The following DCAF5 variants were observed in gnomAD, a reference collection of about 807,000 sequenced individuals.
DCAF5 encodes the protein DDB1 and CUL4 associated factor 5, also known as DDB1- and CUL4-associated factor 5.
DCAF5 carries 9 observed loss-of-function variants against 80.7 expected under a neutral mutation model. That is an observed-to-expected ratio of 0.11 (90% CI 0.07 to 0.19). The LOEUF is 0.19. Ranked by LOEUF, DCAF5 falls within the 10% of genes least tolerant of loss-of-function variation. The probability of loss-of-function intolerance (pLI) is 1.00; values close to 1 mark genes in which losing one functional copy is unlikely to be tolerated. For synonymous variants in DCAF5, 433 were observed against 461.9 expected, an observed-to-expected ratio of 0.94 and a Z score of 0.80; for missense variants, 842 against 1,205.7, an observed-to-expected ratio of 0.70 and a Z score of 4.47.
At chr14:69,072,188 C>T (rs1341125828) in intron 7 of DCAF5, among the ~76,000 whole-genome samples, 3 of 152,106 alleles carry the variant, frequency 2.0e-5, no homozygotes, top group African/African-American at 7.2e-5. Context: ...TTTTGGGAAA[C>T]TGACTGATTT....
chr14:69,093,268 AGTGCCACAT>A (rs2039592500), intron 5 of DCAF5, among the ~76,000 whole-genome samples: 1 of 152,220 alleles, frequency 6.6e-6, no homozygotes, highest in Non-Finnish European at 1.5e-5. Context: ...TGTAGACACA[AGTGCCACAT>A]CAGAACTCAC....
chr14:69,065,095 TC>T (rs2038378552), intron 7 of DCAF5, among the ~76,000 whole-genome samples: 2 of 74,148 alleles, frequency 2.7e-5, no homozygotes, highest in Admixed American at 2.2e-4. Context: ...CAATATGACC[TC>T]TTTTTTTTTT....
At chr14:69,134,944 G>A (rs1326158190) in intron 1 of DCAF5, among the ~76,000 whole-genome samples, 3 of 152,124 alleles carry the variant, frequency 2.0e-5, no homozygotes, top group African/African-American at 7.2e-5. Flanking sequence ...CACTTCTAAA[G>A]ATTTTATTCT....
intron 1 of DCAF5, among the ~76,000 whole-genome samples, chr14:69,123,630 T>A (rs1352831003): frequency 6.6e-6 from 1 of 152,192 alleles, no homozygotes; most frequent in African/African-American, 2.4e-5. Context: ...CCTTCAGAAA[T>A]TTTTCATCAT....
chr14:69,113,065 A>G (rs544980918), intron 5 of DCAF5, among the ~76,000 whole-genome samples: 79 of 152,108 alleles, frequency 5.2e-4, no homozygotes, highest in African/African-American at 1.9e-3. Context: ...AGCTTATTTC[A>G]GGGCAGCAGT....
intron 6 of DCAF5, chr14:69,085,392 A>AC (rs1191502756): frequency 3.5e-6 from 2 of 567,732 alleles, no homozygotes; most frequent in Non-Finnish European, 6.7e-6. Context: ...CTCACTGAAG[A>AC]CATGCCTTTC....
intron 5 of DCAF5, among the ~76,000 whole-genome samples, chr14:69,098,893 C>CAAAAAAAAAAAAAAAAAAAAAAAA (rs57089112): frequency 1.7e-5 from 1 of 59,578 alleles, no homozygotes; most frequent in Non-Finnish European, 3.1e-5. Context: ...ACTCTGTCTC[C>CAAAAAAAAAAAAAAAAAAAAAAAA]AAAAAAAAAA....
At chr14:69,061,089 C>T (rs543670740) in intron 8 of DCAF5, among the ~76,000 whole-genome samples, 24 of 151,852 alleles carry the variant, frequency 1.6e-4, no homozygotes, top group East Asian at 9.7e-4. Context: ...CACTGTAGCA[C>T]GACCTCCTAG....
intron 6 of DCAF5, among the ~76,000 whole-genome samples, chr14:69,076,544 G>A (rs1472623802): frequency 6.6e-6 from 1 of 152,218 alleles, no homozygotes; most frequent in Non-Finnish European, 1.5e-5. Context: ...CAAAAAGACA[G>A]ATATTGTATG....
chr14:69,090,209 G>A, intron 6 of DCAF5: 1 of 664,328 alleles, frequency 1.5e-6, no homozygotes. Context: ...AGACTTGATT[G>A]TCATTTCCAC....
At chr14:69,134,732 A>C (rs1478971526) in intron 1 of DCAF5, among the ~76,000 whole-genome samples, 1 of 152,238 alleles carries the variant, frequency 6.6e-6, no homozygotes, top group African/African-American at 2.4e-5. Context: ...AGAAGTCATA[A>C]TACACTTTTT....
chr14:69,151,959 T>A (rs990255581), intron 1 of DCAF5, among the ~76,000 whole-genome samples: 22 of 152,110 alleles, frequency 1.4e-4, no homozygotes, highest in African/African-American at 5.1e-4. Flanking sequence ...AGAGACCACT[T>A]GCAACAGCGG....
At chr14:69,113,427 C>T (rs773477027) in intron 5 of DCAF5, among the ~76,000 whole-genome samples, 7 of 152,068 alleles carry the variant, frequency 4.6e-5, no homozygotes, top group African/African-American at 7.3e-5. Flanking sequence ...AACTTTCTAC[C>T]ATCCCTAGAA....
chr14:69,100,398 T>A (rs1041037811), intron 5 of DCAF5, among the ~76,000 whole-genome samples: 2 of 152,200 alleles, frequency 1.3e-5, no homozygotes, highest in Non-Finnish European at 2.9e-5. Context: ...AGGATTCTGG[T>A]ACAAATGCTA....
chr14:69,075,884 C>T (rs902782355), intron 6 of DCAF5, among the ~76,000 whole-genome samples: 1 of 152,056 alleles, frequency 6.6e-6, no homozygotes, highest in African/African-American at 2.4e-5. Flanking sequence ...AGCAAACACC[C>T]TCTTAAAAAT....
At chr14:69,080,041 G>A (rs1408269312) in intron 6 of DCAF5, among the ~76,000 whole-genome samples, 1 of 152,134 alleles carries the variant, frequency 6.6e-6, no homozygotes, top group East Asian at 1.9e-4. Flanking sequence ...GGATATCTGG[G>A]AGAAGAGTAT....
At chr14:69,144,555 C>T (rs1447575668) in intron 1 of DCAF5, among the ~76,000 whole-genome samples, 1 of 149,456 alleles carries the variant, frequency 6.7e-6, no homozygotes, top group Non-Finnish European at 1.5e-5. Context: ...CCAGCCGGGG[C>T]GACAGAGCGA....
chr14:69,122,865 C>G (rs1321655364), intron 1 of DCAF5, among the ~76,000 whole-genome samples: 2 of 126,792 alleles, frequency 1.6e-5, no homozygotes, highest in Non-Finnish European at 3.3e-5. Flanking sequence ...TCACCTGACT[C>G]TTACAGTAAT....
At position 69,128,646 on chromosome 14, in the gene DCAF5, T is replaced by C. The variant is rs377536056; in HGVS notation, c.215-6286A>G. Among the ~76,000 whole-genome samples, 89 of 152,256 alleles carry C rather than the reference T, an allele frequency of 5.8e-4. 1 individual carries two copies. The South Asian group carries it at 0.018, about 30-fold the overall frequency. ...GTAAAAACAGAATATTGTGCGCCTG[T>C]AGTCCCAGCTACTGGGGAGGATGAG... On this transcript the variant is annotated intron_variant, in intron 1 of 8. Coordinates refer to ENST00000341516, the MANE Select transcript of DCAF5 (RefSeq NM_003861.3).
Sources: gnomAD v4.1 joint callset for allele counts (sites outside exome capture counted in the v4.1 genomes callset) on GRCh38, gnomAD v4.1.1 for gene constraint, MANE v1.5 for transcripts, NCBI Gene and HGNC (gene_info 2026-07-23, HGNC 2026-07-21) for gene names.